ZIC2: variants seen among roughly 807,000 people sequenced by gnomAD.
ZIC2 encodes Zic family zinc finger 2, also known as zinc finger protein ZIC 2.
Under a neutral mutation model 29.5 loss-of-function variants are expected in ZIC2, and 7 were observed. The ratio of observed to expected loss-of-function variants is 0.24; its 90% CI spans 0.14 to 0.45. ZIC2 has a LOEUF of 0.45. Among genes scored for constraint, ZIC2 ranks in the 20% least tolerant of loss-of-function variants. The pLI, the probability that ZIC2 is intolerant of heterozygous loss-of-function variation, is 1.00. For synonymous variants in ZIC2, 408 were observed against 354.2 expected (o/e 1.15, Z -1.70); for missense variants, 589 against 781.2 (o/e 0.75, Z 2.93).
Position 99,985,836 on chromosome 13 carries a change from GTTT to G in ZIC2, c.*168_*170del. 5 of 185,512 alleles carry G rather than the reference GTTT, an allele frequency of 2.7e-5. No individual in the cohort carries two copies. Among genetic ancestry groups the G allele is most frequent in the East Asian group, 1.8e-4 (1 of 5,704 alleles). 11.5% of individuals were successfully genotyped at this position (185,512 alleles called of 1,614,324 possible). ...TTTACCAGCAGAAGGATTTTTTAAAGTTTTTTTTTTTTTTTTAATAATAATCTA... is the reference window on the plus strand; with the variant it reads ...TTTACCAGCAGAAGGATTTTTTAAAGTTTTTTTTTTTTTAATAATAATCTA... On this transcript the variant is annotated 3_prime_UTR_variant, in exon 3 of 3. Transcript: ENST00000376335. The surrounding 1 kb of genome is among the most constrained non-coding windows in gnomAD (Gnocchi z 6.3).
chr13:99,984,973 A>T lies in ZIC2; in HGVS notation c.1103A>T (p.Glu368Val). The change falls in exon 2 of 3, where the codon GAG becomes GTG. Residue 368 changes from glutamate (E) to valine (V), a missense_variant. Glu to Val is a moderately radical substitution (Grantham distance 121). Transcript: ENST00000376335. ...GAGAAGCCGTTCCAGTGTGAGTTTG[A>T]GGGCTGCGACCGGCGCTTCGCCAAC... is the stretch of plus-strand genomic sequence containing the variant. ...TGEKPFQCEF[E>V]GCDRRFANSS... The T allele has an allele frequency of 6.2e-7, 1 of 1,614,078 alleles. No homozygotes were observed. The highest frequency in any genetic ancestry group is 1.1e-5 in the South Asian group (1 of 91,080).
rs1445322516 is a variant in ZIC2, at chr13:99,986,732, A to G, written c.*1050A>G. 1 of 152,686 alleles carries G rather than the reference A, an allele frequency of 6.5e-6. No homozygotes were observed. Among genetic ancestry groups the G allele is most frequent in the East Asian group, 1.9e-4 (1 of 5,202 alleles). 9.5% of individuals were successfully genotyped at this position (152,686 alleles called of 1,614,324 possible). A position where few individuals can be genotyped will look rare whatever the true frequency, so the allele number is the denominator to read the frequency against. On this transcript the variant is annotated 3_prime_UTR_variant, in exon 3 of 3. Coordinates refer to ENST00000376335, the MANE Select transcript of ZIC2 (RefSeq NM_007129.5). Reference sequence around the variant, plus strand: ...TCTTGTGATGTTTTGAGAGTAATGCATACAGAAATATAATAAAATGTGTTG... The same window carrying G: ...TCTTGTGATGTTTTGAGAGTAATGCGTACAGAAATATAATAAAATGTGTTG...
In ZIC2 at chr13:99,986,038, C is replaced by A; in HGVS notation, c.*356C>A. The stretch of plus-strand genomic sequence containing the variant: ...GTCTTCTGACAAACTGTGTACATAG[C>A]GGACTCCTCCTTTCTCCTCCGAGGT... On this transcript the variant is annotated 3_prime_UTR_variant, in exon 3 of 3. Transcript: ENST00000376335. 1 of 456,002 alleles carries A rather than the reference C, an allele frequency of 2.2e-6. No homozygotes were observed. The highest frequency in any genetic ancestry group is 4.4e-6 in the Non-Finnish European group (1 of 226,916). The allele number at this position is 456,002 out of a possible 1,614,324, so 28.2% of individuals were successfully genotyped here.
rs1261615517 is a variant in ZIC2 at position 99,982,423 on chromosome 13, T to C, written c.359T>C (p.Leu120Pro). The change falls in exon 1 of 3, where the codon CTG becomes CCG. Residue 120 changes from leucine to proline, a missense_variant. Coordinates refer to ENST00000376335, the MANE Select transcript of ZIC2 (RefSeq NM_007129.5). The stretch of plus-strand genomic sequence containing the variant: ...CCCTTCAACTCCACCCGGGACTTCC[T>C]GTTCCGCAGCCGCGGCTTCGGGGAC... ...GPPFNSTRDF[L>P]FRSRGFGDSA... is the part of the protein sequence containing the mutation. The C allele has an allele frequency of 6.8e-7, 1 of 1,461,580 alleles. No homozygotes were observed. Among genetic ancestry groups the C allele is most frequent in the South Asian group, 1.4e-5 (1 of 71,816 alleles). The allele number at this position is 1,461,580 out of a possible 1,614,324, so 90.5% of individuals were successfully genotyped here.
In ZIC2 at chr13:99,981,850, C is replaced by A; in HGVS notation, c.-215C>A. 1 of 985,568 alleles carries A rather than the reference C, an allele frequency of 1.0e-6. No homozygotes were observed. Among genetic ancestry groups the A allele is most frequent in the Non-Finnish European group, 1.4e-6 (1 of 717,254 alleles). 61.1% of individuals were successfully genotyped at this position (985,568 alleles called of 1,614,324 possible). A position where few individuals can be genotyped will look rare whatever the true frequency, so the allele number is the denominator to read the frequency against. ...CGCCGCCTCCTCCTCCTCTTCCTCT[C>A]CGCGCCTTCGCTACGCGCCCGGCCG... On this transcript the variant is annotated 5_prime_UTR_variant, in exon 1 of 3. Transcript: ENST00000376335.
Position 99,982,464 on chromosome 13 carries a change from G to A in ZIC2, c.400G>A (p.Gly134Arg). The A allele has an allele frequency of 7.0e-7, 1 of 1,431,774 alleles. No individual in the cohort carries two copies. The highest frequency in any genetic ancestry group is 1.5e-5 in the African/African-American group (1 of 66,038). 88.7% of individuals were successfully genotyped at this position (1,431,774 alleles called of 1,614,324 possible). A position where few individuals can be genotyped will look rare whatever the true frequency, so the allele number is the denominator to read the frequency against. The change falls in exon 1 of 3, where the codon GGG becomes AGG. Residue 134 changes from glycine to arginine, a missense_variant. By Grantham distance (125) the Gly-to-Arg change is moderately radical. This residue lies in a region of ZIC2 where 358 missense variants were observed against 382.0 expected (regional missense o/e 0.94). Transcript: ENST00000376335. ...RGFGDSAPGG[G>R]QHGLFGPGAG... is the part of the protein sequence containing the mutation. ...CTTCGGGGACTCGGCGCCGGGCGGC[G>A]GGCAGCACGGGCTGTTCGGGCCGGG... is the stretch of plus-strand genomic sequence containing the variant.
At chr13:99,984,229 A>G (rs1173043778) in intron 1 of ZIC2, 9 of 154,094 alleles carry the variant, frequency 5.8e-5, no homozygotes, top group Admixed American at 3.8e-4. Flanking sequence ...AATGACTCCA[A>G]GCATTTGGAA....
In ZIC2 at chr13:99,982,279, G is replaced by T; in HGVS notation, c.215G>T (p.Gly72Val). 1.3e-6 allele frequency: 2 copies of T among 1,494,408 alleles called. No individual in the cohort carries two copies. The highest frequency in any genetic ancestry group is 1.8e-6 in the Non-Finnish European group (2 of 1,126,242). The allele number at this position is 1,494,408 out of a possible 1,614,324, so 92.6% of individuals were successfully genotyped here. The change falls in exon 1 of 3, where the codon GGC becomes GTC. Residue 72 changes from glycine (G) to valine (V), a missense_variant. Coordinates refer to ENST00000376335, the MANE Select transcript of ZIC2 (RefSeq NM_007129.5). Reference sequence around the variant, plus strand: ...CCGGGCGCGCACGAGCTGTCCCCGGGCCAGAGCTCGGCGTTCACGTCGCAG... The same window carrying T: ...CCGGGCGCGCACGAGCTGTCCCCGGTCCAGAGCTCGGCGTTCACGTCGCAG... ...LNPGAHELSP[G>V]QSSAFTSQGP...
Position 99,982,347 on chromosome 13 carries a change from G to C in ZIC2, c.283G>C (p.Ala95Pro). The C allele has an allele frequency of 6.8e-7, 1 of 1,466,304 alleles. No homozygotes were observed. Among genetic ancestry groups the C allele is most frequent in the East Asian group, 3.0e-5 (1 of 33,404 alleles). 90.8% of individuals were successfully genotyped at this position (1,466,304 alleles called of 1,614,324 possible). A position where few individuals can be genotyped will look rare whatever the true frequency, so the allele number is the denominator to read the frequency against. Residue 95 changes from alanine to proline, a missense_variant, in exon 1 of 3, where the codon GCC (alanine) becomes CCC (proline). Ala to Pro is a conservative substitution (Grantham distance 27, BLOSUM62 -1). This residue lies in a region of ZIC2 where 358 missense variants were observed against 382.0 expected (regional missense o/e 0.94). Coordinates refer to ENST00000376335, the MANE Select transcript of ZIC2 (RefSeq NM_007129.5). ...YPGSAAAAAA[A>P]AALGPHAAHV... Reference sequence around the variant, plus strand: ...CGGCTCCGCTGCGGCTGCCGCTGCGGCCGCAGCGCTCGGGCCCCACGCCGC... The same window carrying C: ...CGGCTCCGCTGCGGCTGCCGCTGCGCCCGCAGCGCTCGGGCCCCACGCCGC...
intron 1 of ZIC2, chr13:99,984,198 G>C (rs887866709): frequency 5.2e-5 from 8 of 152,408 alleles, no homozygotes; most frequent in African/African-American, 1.4e-4. Context: ...GTGGAACGAC[G>C]TTTGAGTTCT....
rs1220497004 is a variant in ZIC2, at chr13:99,982,928, G to C, written c.864G>C (p.Ser288=). The C allele has an allele frequency of 6.2e-7, 1 of 1,613,862 alleles. No individual in the cohort carries two copies. Among genetic ancestry groups the C allele is most frequent in the African/African-American group, 1.3e-5 (1 of 75,042 alleles). ...STMHELVTHV[S]VEHVGGPEQS... ...TGCACGAGCTGGTGACACACGTCTC[G>C]GTGGAGCACGTCGGCGGCCCGGAGC... The change falls in exon 1 of 3, where the codon TCG becomes TCC. Residue 288 remains serine, a synonymous_variant. Coordinates refer to ENST00000376335, the MANE Select transcript of ZIC2 (RefSeq NM_007129.5).
intron 1 of ZIC2, 70 bp from the exon 2 acceptor site, chr13:99,984,876 C>T: frequency 6.2e-7 from 1 of 1,609,238 alleles, no homozygotes. Flanking sequence ...GCCCAGCCCC[C>T]TCGCAGCCTG....
At position 99,983,270 on chromosome 13, in the gene ZIC2, A is replaced by G; in HGVS notation, c.1075+131A>G. The G allele has an allele frequency of 1.6e-6, 2 of 1,225,346 alleles. No individual in the cohort carries two copies. The highest frequency in any genetic ancestry group is 2.0e-4 in the Middle Eastern group (1 of 5,066). The allele number at this position is 1,225,346 out of a possible 1,614,324, so 75.9% of individuals were successfully genotyped here. On this transcript the variant is annotated intron_variant, in intron 1 of 2. Coordinates refer to ENST00000376335, the MANE Select transcript of ZIC2 (RefSeq NM_007129.5). The surrounding 1 kb of genome is among the most constrained non-coding windows in gnomAD (Gnocchi z 4.7). ...TGGGATGGGAGGTGTTTTTGCGTGT[A>G]CGAAAGAGCCAGCAGCTTGTTTCTG...
chr13:99,986,005 T>A lies in ZIC2; in HGVS notation c.*323T>A, dbSNP rs1340891526. On this transcript the variant is annotated 3_prime_UTR_variant, in exon 3 of 3. Transcript: ENST00000376335. ...TCCATGCCCACGTTCTTTCCCACCC[T>A]GTTCCCAGTCTTCTGACAAACTGTG... is the stretch of plus-strand genomic sequence containing the variant. 6.6e-6 allele frequency: 3 copies of A among 454,664 alleles called. No individual in the cohort carries two copies. The highest frequency in any genetic ancestry group is 2.4e-5 in the Admixed American group (1 of 42,220). 28.2% of individuals were successfully genotyped at this position (454,664 alleles called of 1,614,324 possible).
intron 1 of ZIC2, among the ~76,000 whole-genome samples, chr13:99,984,114 T>C (rs7324637): frequency 0.11 from 16,002 of 152,294 alleles, 1,014 homozygotes; most frequent in Non-Finnish European, 0.13. Context: ...TTTCGAGTCC[T>C]GTGTCTGAGC....
chr13:99,985,986 C>A lies in ZIC2; in HGVS notation c.*304C>A, dbSNP rs761945632. The stretch of plus-strand genomic sequence containing the variant: ...CCAAACCTCCCTGCTAATCTCCATG[C>A]CCACGTTCTTTCCCACCCTGTTCCC... On this transcript the variant is annotated 3_prime_UTR_variant, in exon 3 of 3. Coordinates refer to ENST00000376335, the MANE Select transcript of ZIC2 (RefSeq NM_007129.5). This position sits in a 1 kb window ranked among gnomAD's most constrained non-coding sequence, Gnocchi z 6.3. 7 of 445,578 alleles carry A rather than the reference C, an allele frequency of 1.6e-5. No homozygotes were observed. The highest frequency in any genetic ancestry group is 1.1e-4 in the South Asian group (7 of 61,114). 27.6% of individuals were successfully genotyped at this position (445,578 alleles called of 1,614,324 possible). A position where few individuals can be genotyped will look rare whatever the true frequency, so the allele number is the denominator to read the frequency against.
rs2152162357 is a variant in ZIC2 at position 99,982,353 on chromosome 13, G to A, written c.289G>A (p.Ala97Thr). 1.4e-6 allele frequency: 2 copies of A among 1,468,280 alleles called. No individual in the cohort carries two copies. Among genetic ancestry groups the A allele is most frequent in the Middle Eastern group, 2.4e-4 (1 of 4,184 alleles). The allele number at this position is 1,468,280 out of a possible 1,614,324, so 91.0% of individuals were successfully genotyped here. A position where few individuals can be genotyped will look rare whatever the true frequency, so the allele number is the denominator to read the frequency against. ...CGCTGCGGCTGCCGCTGCGGCCGCA[G>A]CGCTCGGGCCCCACGCCGCGCACGT... ...GSAAAAAAAA[A>T]LGPHAAHVGS... The change falls in exon 1 of 3, where the codon GCG (alanine) becomes ACG (threonine). Residue 97 changes from alanine to threonine, a missense_variant. By Grantham distance (58) the Ala-to-Thr change is moderately conservative. Around this residue, in one of 7 missense-constraint regions of ZIC2, gnomAD observed 358 missense variants for 382.0 expected, o/e 0.94. Transcript: ENST00000376335.
chr13:99,986,189 AC>A lies in ZIC2; in HGVS notation c.*510del, dbSNP rs755622599. On this transcript the variant is annotated 3_prime_UTR_variant, in exon 3 of 3. Transcript: ENST00000376335. ...GCTTTCTCTTTTCTCTTTTTAGTTT[AC>A]CCGGTTTCTTTTTAAGTAATGTGGA... 93 of 313,106 alleles carry A rather than the reference AC, an allele frequency of 3.0e-4. 1 individual carries two copies. The highest frequency in any genetic ancestry group is 1.7e-3 in the Middle Eastern group (4 of 2,312). The allele number at this position is 313,106 out of a possible 1,614,324, so 19.4% of individuals were successfully genotyped here. A position where few individuals can be genotyped will look rare whatever the true frequency, so the allele number is the denominator to read the frequency against.
chr13:99,985,647 G>C lies in ZIC2; in HGVS notation c.1564G>C (p.Gly522Arg). Residue 522 changes from glycine to arginine, a missense_variant, in exon 3 of 3, where the codon GGC (glycine) becomes CGC (arginine). Around this residue, in one of 7 missense-constraint regions of ZIC2, gnomAD observed 135 missense variants for 136.7 expected, o/e 0.99. Transcript: ENST00000376335. This position sits in a 1 kb window ranked among gnomAD's most constrained non-coding sequence, Gnocchi z 6.3. ...GGSGTAGGHSGLSSNFNEWYV is the reference protein window; with the variant it reads ...GGSGTAGGHSRLSSNFNEWYV ...CAGCGGGACAGCCGGGGGTCACAGC[G>C]GCCTCTCCTCCAACTTCAATGAATG... 7.7e-7 allele frequency: 1 copy of C among 1,299,036 alleles called. No individual in the cohort carries two copies. The highest frequency in any genetic ancestry group is 1.0e-6 in the Non-Finnish European group (1 of 1,002,362). The allele number at this position is 1,299,036 out of a possible 1,614,324, so 80.5% of individuals were successfully genotyped here. A position where few individuals can be genotyped will look rare whatever the true frequency, so the allele number is the denominator to read the frequency against.
Sources: allele counts gnomAD v4.1 joint callset (sites outside exome capture counted in the v4.1 genomes callset), GRCh38; gene constraint gnomAD v4.1.1; regional missense constraint gnomAD v4.1.1; non-coding constraint Gnocchi (gnomAD v3.1); transcripts MANE v1.5; gene names NCBI Gene and HGNC (gene_info 2026-07-23, HGNC 2026-07-21).